Variants in NRIP1 observed in about 807,000 individuals in gnomAD.
NRIP1 encodes the protein nuclear receptor interacting protein 1, also known as nuclear receptor-interacting protein 1.
Under a neutral mutation model 75.0 loss-of-function variants are expected in NRIP1, and 28 were observed. The ratio of observed to expected loss-of-function variants is 0.37; its 90% confidence interval spans 0.28 to 0.51. NRIP1 has a LOEUF of 0.51. Among genes scored for constraint, NRIP1 ranks in the 20% least tolerant of loss-of-function variants. NRIP1 has a pLI of 0.92. For missense variants in NRIP1, 1,435 were observed against 1,343.7 expected, an observed-to-expected ratio of 1.07 and a Z score of -1.06; for synonymous variants, 526 against 487.6, an observed-to-expected ratio of 1.08 and a Z score of -1.04.
In NRIP1 at chr21:14,966,239, T is replaced by G. The variant is rs201810520; in HGVS notation, c.1954A>C (p.Lys652Gln). Residue 652 changes from lysine (K) to glutamine (Q), a missense_variant, in exon 4 of 4, where the codon AAA (lysine) becomes CAA (glutamine). Lys to Gln is a moderately conservative substitution (Grantham distance 53, BLOSUM62 1). Coordinates refer to ENST00000318948, the MANE Select transcript of NRIP1 (RefSeq NM_003489.4). ...SMSVEEQRPS[K>Q]QLLTGNTDKP... ...TCTGTGTTTCCAGTTAACAGCTGTT[T>G]GCTGGGTCTCTGCTCTTCCACTGAC... The G allele has an allele frequency of 1.9e-6, 3 of 1,614,042 alleles. No homozygotes were observed. The highest frequency in any genetic ancestry group is 2.5e-6 in the Non-Finnish European group (3 of 1,179,950).
intron 1 of NRIP1, among the ~76,000 whole-genome samples, chr21:15,064,296 G>T (rs758936076): frequency 6.6e-6 from 1 of 152,216 alleles, no homozygotes; most frequent in Non-Finnish European, 1.5e-5. Context: ...GGTATCCAGC[G>T]AGCAAGGAGC....
chr21:15,017,243 G>C (rs1434162659), intron 2 of NRIP1, among the ~76,000 whole-genome samples: 2 of 152,080 alleles, frequency 1.3e-5, no homozygotes, highest in Admixed American at 1.3e-4. Context: ...TATTTTTAGA[G>C]ACGAGGATCT....
Position 14,965,393 on chromosome 21 carries a change from T to C in NRIP1, c.2800A>G (p.Asn934Asp), listed in dbSNP as rs1482542573. The change falls in exon 4 of 4, where the codon AAT (asparagine) becomes GAT (aspartate). Residue 934 changes from asparagine (N) to aspartate (D), a missense_variant. Transcript: ENST00000318948. The part of the protein sequence containing the change: ...RSWARESKSF[N>D]VLKQLLLSEN... The stretch of plus-strand genomic sequence containing the variant: ...GAGAGAAGCAGCTGTTTCAGAACAT[T>C]AAAGCTTTTGCTCTCTCTGGCCCAA... The C allele has an allele frequency of 1.2e-6, 2 of 1,614,044 alleles. No homozygotes were observed. The highest frequency in any genetic ancestry group is 1.7e-6 in the Non-Finnish European group (2 of 1,179,942).
At chr21:15,032,017 T>C (rs1388473952) in intron 2 of NRIP1, among the ~76,000 whole-genome samples, 3 of 152,196 alleles carry the variant, frequency 2.0e-5, no homozygotes, top group Non-Finnish European at 4.4e-5. Context: ...TCCCTTTCTA[T>C]GTGTATACAC....
At chr21:14,999,348 C>T (rs113351483) in intron 3 of NRIP1, among the ~76,000 whole-genome samples, 135 of 152,050 alleles carry the variant, frequency 8.9e-4, no homozygotes, top group African/African-American at 3.2e-3. Context: ...ATGTTGTCAC[C>T]CATTCTTGGC....
chr21:15,052,558 G>T lies in NRIP1; in HGVS notation c.-537-8984C>A, dbSNP rs528775829. Among the ~76,000 whole-genome samples, 14 of 152,160 alleles carry T rather than the reference G, an allele frequency of 9.2e-5. No homozygotes were observed. The South Asian group carries it at 2.9e-3, about 32-fold the overall frequency. On this transcript the variant is annotated intron_variant, in intron 1 of 3. Coordinates refer to ENST00000318948, the MANE Select transcript of NRIP1 (RefSeq NM_003489.4). The stretch of plus-strand genomic sequence containing the variant: ...ATGTACAACCACAGTTTTCCCCCGC[G>T]ATACTTCACTGAAGTATTCAATACA...
intron 3 of NRIP1, among the ~76,000 whole-genome samples, chr21:14,993,509 T>C (rs1216820168): frequency 6.6e-6 from 1 of 152,212 alleles, no homozygotes; most frequent in Admixed American, 6.5e-5. Flanking sequence ...CCAGCTTAAA[T>C]GTGTCTGAGC....
At chr21:15,031,138 C>G (rs1453871062) in intron 2 of NRIP1, among the ~76,000 whole-genome samples, 13 of 121,262 alleles carry the variant, frequency 1.1e-4, no homozygotes, top group African/African-American at 3.9e-4. Context: ...CTCTGGAAGG[C>G]GCACGGAGGA....
In NRIP1 at chr21:14,968,030, C is replaced by A. The variant is rs374002029; in HGVS notation, c.163G>T (p.Gly55Cys). 3.7e-6 allele frequency: 6 copies of A among 1,613,990 alleles called. No individual in the cohort carries two copies. Among genetic ancestry groups the A allele is most frequent in the Non-Finnish European group, 5.1e-6 (6 of 1,179,992 alleles). The change falls in exon 4 of 4, where the codon GGC (glycine) becomes TGC (cysteine). Residue 55 changes from glycine to cysteine, a missense_variant. Coordinates refer to ENST00000318948, the MANE Select transcript of NRIP1 (RefSeq NM_003489.4). ...NEEDQNFNISGSAFPTCQSNG... is the reference protein window; with the variant it reads ...NEEDQNFNISCSAFPTCQSNG... ...CTTTGACAGGTGGGAAATGCACTGCCAGAAATGTTAAAGTTCTGATCCTCT... is the reference window on the plus strand; with the variant it reads ...CTTTGACAGGTGGGAAATGCACTGCAAGAAATGTTAAAGTTCTGATCCTCT...
At chr21:14,989,203 TCA>T (rs1254905329) in intron 3 of NRIP1, among the ~76,000 whole-genome samples, 1 of 152,168 alleles carries the variant, frequency 6.6e-6, no homozygotes, top group African/African-American at 2.4e-5. Context: ...CTCTTTTTTC[TCA>T]CTTTTCCTAT....
At chr21:15,053,346 T>C (rs145902972) in intron 1 of NRIP1, among the ~76,000 whole-genome samples, 360 of 152,294 alleles carry the variant, frequency 2.4e-3, no homozygotes, top group African/African-American at 7.8e-3. Context: ...AATAAATAGA[T>C]AGATGTATGG....
intron 3 of NRIP1, among the ~76,000 whole-genome samples, chr21:14,972,870 G>A (rs756408388): frequency 6.6e-6 from 1 of 152,178 alleles, no homozygotes; most frequent in Non-Finnish European, 1.5e-5. Flanking sequence ...TGCTGCCACC[G>A]ATGTGACAGG....
chr21:15,037,312 A>G (rs903483615), intron 2 of NRIP1, among the ~76,000 whole-genome samples: 29 of 152,366 alleles, frequency 1.9e-4, no homozygotes, highest in African/African-American at 6.7e-4. Flanking sequence ...CTTGCGTAAT[A>G]TAACAAAGAT....
chr21:15,002,505 C>T (rs1714880034), intron 3 of NRIP1: 1 of 152,168 alleles, frequency 6.6e-6, no homozygotes, highest in Non-Finnish European at 1.5e-5. Flanking sequence ...CACGCACACA[C>T]ACGTGCCATG....
intron 3 of NRIP1, among the ~76,000 whole-genome samples, chr21:14,987,565 TC>T (rs1404701311): frequency 6.6e-6 from 1 of 152,196 alleles, no homozygotes; most frequent in East Asian, 1.9e-4. Flanking sequence ...AGACAAATGT[TC>T]CTGGGGCCAG....
At chr21:14,986,726 C>T (rs796112377) in intron 3 of NRIP1, among the ~76,000 whole-genome samples, 7 of 152,186 alleles carry the variant, frequency 4.6e-5, no homozygotes, top group South Asian at 2.1e-4. Flanking sequence ...AATTAGAAAA[C>T]GGAGATTTTT....
At chr21:14,991,017 G>T (rs1271366685) in intron 3 of NRIP1, among the ~76,000 whole-genome samples, 7 of 152,024 alleles carry the variant, frequency 4.6e-5, no homozygotes, top group Admixed American at 4.6e-4. Flanking sequence ...GTTGCCGCAT[G>T]TCTCTACTTC....
intron 3 of NRIP1, among the ~76,000 whole-genome samples, chr21:14,998,161 G>A (rs1484652731): frequency 6.6e-6 from 1 of 152,152 alleles, no homozygotes; most frequent in African/African-American, 2.4e-5. Context: ...ACCAAGTCAT[G>A]AGTAGCCCAT....
intron 3 of NRIP1, among the ~76,000 whole-genome samples, chr21:14,976,147 A>T (rs1267393963): frequency 6.6e-6 from 1 of 152,204 alleles, no homozygotes; most frequent in African/African-American, 2.4e-5. Context: ...TTAAAATTAT[A>T]AACAGAATCT....
Sources: allele counts gnomAD v4.1 joint callset (sites outside exome capture counted in the v4.1 genomes callset), GRCh38; gene constraint gnomAD v4.1.1; transcripts MANE v1.5; gene names NCBI Gene and HGNC (gene_info 2026-07-23, HGNC 2026-07-21).